Variants in WLS observed in about 807,000 individuals in gnomAD.
WLS encodes protein wntless homolog.
Under a neutral mutation model 62.8 loss-of-function variants are expected in WLS, and 23 were observed. The observed-to-expected ratio is 0.37, with a 90% CI of 0.26 to 0.52. The LOEUF (loss-of-function observed/expected upper bound fraction) is 0.52, where lower values mean the gene tolerates loss of function less well. Ranked by LOEUF, WLS falls within the 20% of genes least tolerant of loss-of-function variation. The pLI is 0.92. For missense variants in WLS, 615 were observed against 697.3 expected, an observed-to-expected ratio of 0.88 and a Z score of 1.33; for synonymous variants, 246 against 244.1, an observed-to-expected ratio of 1.01 and a Z score of -0.07.
intron 2 of WLS, chr1:68,162,740 C>T (rs1357929590): frequency 4.4e-6 from 5 of 1,139,328 alleles, no homozygotes; most frequent in African/African-American, 1.5e-5. Context: ...ATTCCGAGCT[C>T]GCTGGCAGCC....
At chr1:68,151,240 A>C (rs1007757369) in intron 5 of WLS, among the ~76,000 whole-genome samples, 23 of 152,222 alleles carry the variant, frequency 1.5e-4, no homozygotes, top group Non-Finnish European at 3.1e-4. Flanking sequence ...GGAGGCATAG[A>C]GGCCTGGAAG....
chr1:68,178,232 T>A (rs1647344083), intron 2 of WLS, among the ~76,000 whole-genome samples: 1 of 152,234 alleles, frequency 6.6e-6, no homozygotes, highest in South Asian at 2.1e-4. Context: ...CTTCTATGTT[T>A]ATGGACTCCT....
At chr1:68,113,729 C>T (rs1338745778) in intron 11 of WLS, among the ~76,000 whole-genome samples, 1 of 152,180 alleles carries the variant, frequency 6.6e-6, no homozygotes, top group Non-Finnish European at 1.5e-5. Context: ...AGGCCCTTCC[C>T]AAGCCCTTCT....
intron 2 of WLS, among the ~76,000 whole-genome samples, chr1:68,174,613 C>T (rs992288478): frequency 2.1e-4 from 32 of 152,172 alleles, no homozygotes; most frequent in African/African-American, 7.5e-4. Flanking sequence ...ATAAAAGCCA[C>T]CCACAACACA....
chr1:68,163,240 T>G, intron 2 of WLS: 1 of 558,910 alleles, frequency 1.8e-6, no homozygotes, highest in South Asian at 2.6e-5. Context: ...AAATCTATAG[T>G]TCACACGATG....
intron 2 of WLS, among the ~76,000 whole-genome samples, chr1:68,183,893 T>C (rs1170318686): frequency 2.0e-5 from 3 of 152,016 alleles, no homozygotes; most frequent in African/African-American, 4.8e-5. Context: ...AAAAATCACT[T>C]GCCACTTATA....
chr1:68,151,869 T>C (rs1278272497), intron 5 of WLS, among the ~76,000 whole-genome samples: 1 of 151,936 alleles, frequency 6.6e-6, no homozygotes, highest in Non-Finnish European at 1.5e-5. Context: ...GATTAACACT[T>C]GAAAGGGGGC....
chr1:68,159,058 G>A (rs1263594861), intron 3 of WLS, 65 bp downstream of exon 3: 2 of 1,599,880 alleles, frequency 1.3e-6, no homozygotes, highest in African/African-American at 2.7e-5. Context: ...TGAAAAGTAA[G>A]CAAATCTTTC....
intron 11 of WLS, among the ~76,000 whole-genome samples, chr1:68,104,308 G>A (rs1187397339): frequency 2.0e-5 from 3 of 152,144 alleles, no homozygotes; most frequent in Non-Finnish European, 4.4e-5. Flanking sequence ...CGGTGGAGAT[G>A]ACTCAGTATT....
At chr1:68,174,130 G>A (rs941436953) in intron 2 of WLS, among the ~76,000 whole-genome samples, 6 of 152,158 alleles carry the variant, frequency 3.9e-5, no homozygotes, top group African/African-American at 9.7e-5. Flanking sequence ...GCCTGTGGAC[G>A]GGTAGCAGAT....
chr1:68,197,751 T>C (rs983647079), intron 1 of WLS, among the ~76,000 whole-genome samples: 2 of 152,204 alleles, frequency 1.3e-5, no homozygotes, highest in Non-Finnish European at 2.9e-5. Context: ...TCATTAGCTA[T>C]AGTCAAAATT....
intron 1 of WLS, among the ~76,000 whole-genome samples, chr1:68,228,842 CAAAAAAAAAAAA>C (rs66626696): frequency 2.2e-4 from 13 of 58,032 alleles, no homozygotes; most frequent in African/African-American, 3.7e-4. Flanking sequence ...ACACTGGTGC[CAAAAAAAAAAAA>C]AAAAAAAAAA....
intron 1 of WLS, among the ~76,000 whole-genome samples, chr1:68,227,591 A>G (rs1358238155): frequency 6.6e-6 from 1 of 152,010 alleles, no homozygotes; most frequent in Non-Finnish European, 1.5e-5. Flanking sequence ...TGCTCTTTTA[A>G]AAAAGATTAA....
chr1:68,110,436 AAAAGTCTCAATAATTTCAGTG>A (rs1325809536), intron 11 of WLS, among the ~76,000 whole-genome samples: 4 of 147,880 alleles, frequency 2.7e-5, no homozygotes, highest in Admixed American at 1.4e-4. Flanking sequence ...CAAAGAAAAT[AAAAGTCTCAATAATTTCAGTG>A]ACATATTATT....
intron 2 of WLS, among the ~76,000 whole-genome samples, chr1:68,170,726 C>T (rs1647140938): frequency 6.6e-6 from 1 of 151,878 alleles, no homozygotes; most frequent in South Asian, 2.1e-4. Flanking sequence ...CCCTTGCTCC[C>T]ACAGTACCTT....
At chr1:68,114,224 G>A (rs1340765147) in intron 11 of WLS, among the ~76,000 whole-genome samples, 1 of 152,214 alleles carries the variant, frequency 6.6e-6, no homozygotes, top group East Asian at 1.9e-4. Flanking sequence ...GGGATAGGGT[G>A]AGGATCAGAA....
At chr1:68,120,265 A>G (rs1646347200) in intron 11 of WLS, among the ~76,000 whole-genome samples, 1 of 152,220 alleles carries the variant, frequency 6.6e-6, no homozygotes, top group Non-Finnish European at 1.5e-5. Flanking sequence ...CAGGACCAGA[A>G]CTTACTGAAA....
chr1:68,193,699 C>A (rs1648495570), intron 2 of WLS, among the ~76,000 whole-genome samples: 1 of 152,100 alleles, frequency 6.6e-6, no homozygotes, highest in African/African-American at 2.4e-5. Context: ...ACTCTCTAGT[C>A]TTCAGATCAT....
intron 8 of WLS, among the ~76,000 whole-genome samples, chr1:68,147,663 A>C (rs1192638140): frequency 6.6e-6 from 1 of 152,222 alleles, no homozygotes; most frequent in Non-Finnish European, 1.5e-5. Context: ...TCTGGAACTA[A>C]TCACCTTAGC....
Sources: allele counts gnomAD v4.1 joint callset (sites outside exome capture counted in the v4.1 genomes callset), GRCh38; gene constraint gnomAD v4.1.1; transcripts MANE v1.5; gene names NCBI Gene and HGNC (gene_info 2026-07-23, HGNC 2026-07-21).